KYNU: variants seen among roughly 807,000 people sequenced by gnomAD.
KYNU encodes the protein kynureninase, also known as L-kynurenine hydrolase.
In KYNU, 54 loss-of-function variants were observed where a neutral mutation model predicts 59.2. The observed-to-expected ratio is 0.91, with a 90% CI of 0.73 to 1.14. KYNU has a LOEUF of 1.14. Among genes scored for constraint, KYNU ranks in the 50% most tolerant of loss-of-function variants. The pLI is 0.00. For missense variants in KYNU, 567 were observed against 554.4 expected, an observed-to-expected ratio of 1.02 and a Z score of -0.23; for synonymous variants, 177 against 192.0, an observed-to-expected ratio of 0.92 and a Z score of 0.65.
rs869073408 is a variant in KYNU, at chr2:143,055,683, GAA to G, written c.*13513_*13514del. ...GGAAGGAAGGAAGGAAGGAAGGAAG[GAA>G]AGGGAGGAGAGGAGAGGAGAGGTAG... On this transcript the variant is annotated 3_prime_UTR_variant, in exon 14 of 14. Coordinates refer to ENST00000264170, the MANE Select transcript of KYNU (RefSeq NM_003937.3). 13 of 152,036 alleles carry G rather than the reference GAA, an allele frequency of 8.6e-5. No individual in the cohort carries two copies. Among genetic ancestry groups the G allele is most frequent in the Admixed American group, 2.0e-4 (3 of 15,220 alleles). 9.4% of individuals were successfully genotyped at this position (152,036 alleles called of 1,614,324 possible).
At chr2:142,881,313 A>T (rs1558897346) in intron 1 of KYNU, 1 of 152,362 alleles carries the variant, frequency 6.6e-6, no homozygotes, top group African/African-American at 2.4e-5. Flanking sequence ...AGTAAAAAAC[A>T]TGCAATGGTG....
chr2:142,905,246 A>G (rs1242651189), intron 2 of KYNU, among the ~76,000 whole-genome samples: 1 of 152,174 alleles, frequency 6.6e-6, no homozygotes, highest in African/African-American at 2.4e-5. Context: ...CCTTTTTCCT[A>G]CGAGGAGAGC....
rs946993710 is a variant in KYNU at position 143,044,921 on chromosome 2, T to C, written c.*2749T>C. Reference sequence around the variant, plus strand: ...TCTTTGCCCATGCCTATGTCCTGAATGGTATTGCCTAGATATTCTTCTAGG... The same window carrying C: ...TCTTTGCCCATGCCTATGTCCTGAACGGTATTGCCTAGATATTCTTCTAGG... On this transcript the variant is annotated 3_prime_UTR_variant, in exon 14 of 14. Coordinates refer to ENST00000264170, the MANE Select transcript of KYNU (RefSeq NM_003937.3). The C allele has an allele frequency of 1.3e-5, 2 of 149,172 alleles. No individual in the cohort carries two copies. The highest frequency in any genetic ancestry group is 3.0e-5 in the Non-Finnish European group (2 of 67,354). The allele number at this position is 149,172 out of a possible 1,614,324, so 9.2% of individuals were successfully genotyped here. A position where few individuals can be genotyped will look rare whatever the true frequency, so the allele number is the denominator to read the frequency against.
At position 143,042,069 on chromosome 2, in the gene KYNU, G is replaced by A. The variant is rs766753073; in HGVS notation, c.1295G>A (p.Gly432Asp). 1.9e-5 allele frequency: 31 copies of A among 1,611,448 alleles called. No individual in the cohort carries two copies. Among genetic ancestry groups the A allele is most frequent in the Non-Finnish European group, 2.5e-5 (30 of 1,178,310 alleles). ...GVVCDKRNPN[G>D]IRVAPVPLYN... ...CAGTGTGACAAGCGGAATCCAAATG[G>A]CATTCGAGTGGCTCCAGTTCCTCTC... The change falls in exon 14 of 14, where the codon GGC (glycine) becomes GAC (aspartate). Residue 432 changes from glycine (G) to aspartate (D), a missense_variant. Gly to Asp is a moderately conservative substitution (Grantham distance 94, BLOSUM62 -1). Transcript: ENST00000264170.
chr2:142,911,126 A>G (rs1682466919), intron 2 of KYNU, among the ~76,000 whole-genome samples: 1 of 152,182 alleles, frequency 6.6e-6, no homozygotes. Flanking sequence ...TGATAGGAAT[A>G]GCTTTGAATC....
At chr2:142,907,552 A>G (rs891973514) in intron 2 of KYNU, among the ~76,000 whole-genome samples, 2 of 152,216 alleles carry the variant, frequency 1.3e-5, no homozygotes, top group African/African-American at 4.8e-5. Context: ...AAGCCGTAAC[A>G]AATACGGACA....
chr2:142,930,864 G>T (rs352895), intron 4 of KYNU, among the ~76,000 whole-genome samples: 4,000 of 152,242 alleles, frequency 0.026, 173 homozygotes, highest in Admixed American at 0.11. Context: ...TTTGAACCCC[G>T]AGAGCACGTC....
intron 2 of KYNU, among the ~76,000 whole-genome samples, chr2:142,911,277 C>A (rs982175377): frequency 3.3e-5 from 5 of 152,018 alleles, no homozygotes; most frequent in African/African-American, 1.2e-4. Context: ...GAGCTTTCAC[C>A]TCCTTGGTTA....
intron 4 of KYNU, among the ~76,000 whole-genome samples, chr2:142,937,297 GA>G (rs1363524597): frequency 1.3e-5 from 2 of 149,536 alleles, no homozygotes; most frequent in Admixed American, 6.7e-5. Flanking sequence ...TTACAATAGT[GA>G]AAAAAAAAGC....
At chr2:143,014,533 TAGAG>T (rs1686199760) in intron 10 of KYNU, among the ~76,000 whole-genome samples, 1 of 152,234 alleles carries the variant, frequency 6.6e-6, no homozygotes, top group Admixed American at 6.5e-5. Context: ...TCTTGGCTTT[TAGAG>T]AGAATTGTCT....
chr2:142,906,016 CTCTCTG>C (rs1682282379), intron 2 of KYNU, among the ~76,000 whole-genome samples: 3 of 151,206 alleles, frequency 2.0e-5, no homozygotes, highest in Admixed American at 2.0e-4. Flanking sequence ...TCTCTCTCTC[CTCTCTG>C]TCTCTTTCTC....
chr2:142,964,689 A>G (rs1281514549), intron 8 of KYNU: 1 of 152,214 alleles, frequency 6.6e-6, no homozygotes, highest in African/African-American at 2.4e-5. Flanking sequence ...GAGAGAAAAT[A>G]CAAGATTTCA....
chr2:143,004,922 T>C (rs1282513146), intron 10 of KYNU, among the ~76,000 whole-genome samples: 1 of 152,200 alleles, frequency 6.6e-6, no homozygotes, highest in Non-Finnish European at 1.5e-5. Flanking sequence ...ATTATTTTCA[T>C]TGGTTGGGTG....
In KYNU at chr2:142,961,718, GTGTT is replaced by G. The variant is rs1300622120; in HGVS notation, c.729+952_729+955del. ...TGAAGTCATGTCTCTTTGTATGTAA[GTGTT>G]TGTAAAAAGTGTTTTTAGTATTTAT... On this transcript the variant is annotated intron_variant, in intron 8 of 13. Transcript: ENST00000264170. 8.6e-5 allele frequency among the ~76,000 whole-genome samples: 13 copies of G among 151,476 alleles called. No individual in the cohort carries two copies. The East Asian group carries it at 2.3e-3, about 27-fold the overall frequency.
At chr2:142,910,886 T>C (rs1307662483) in intron 2 of KYNU, among the ~76,000 whole-genome samples, 2 of 152,198 alleles carry the variant, frequency 1.3e-5, no homozygotes, top group Non-Finnish European at 2.9e-5. Context: ...GTTGTAGATA[T>C]GTGGCTTTAT....
At chr2:142,944,471 A>G (rs1260958300) in intron 4 of KYNU, among the ~76,000 whole-genome samples, 3 of 152,216 alleles carry the variant, frequency 2.0e-5, no homozygotes, top group Non-Finnish European at 4.4e-5. Context: ...GAAGTGATTT[A>G]AATCTTGACA....
In KYNU at chr2:143,054,102, A is replaced by G. The variant is rs1481881275; in HGVS notation, c.*11930A>G. ...TAGAAATAACACTGGTTTTTTCCCT[A>G]TGTCCTTACAACCACCAATTGGATA... On this transcript the variant is annotated 3_prime_UTR_variant, in exon 14 of 14. Coordinates refer to ENST00000264170, the MANE Select transcript of KYNU (RefSeq NM_003937.3). 2 of 152,178 alleles carry G rather than the reference A, an allele frequency of 1.3e-5. No individual in the cohort carries two copies. Among genetic ancestry groups the G allele is most frequent in the Non-Finnish European group, 2.9e-5 (2 of 68,024 alleles). 9.4% of individuals were successfully genotyped at this position (152,178 alleles called of 1,614,324 possible).
chr2:142,894,178 G>C (rs533432159), intron 2 of KYNU, among the ~76,000 whole-genome samples: 1 of 152,204 alleles, frequency 6.6e-6, no homozygotes, highest in South Asian at 2.1e-4. Context: ...AGAACTAATG[G>C]GTTCAAAATT....
intron 10 of KYNU, among the ~76,000 whole-genome samples, chr2:142,999,419 T>C (rs550781905): frequency 4.1e-4 from 63 of 152,282 alleles, no homozygotes; most frequent in African/African-American, 1.5e-3. Flanking sequence ...TTGGTCTCAA[T>C]ATTATTAAAA....
Sources: allele counts gnomAD v4.1 joint callset (sites outside exome capture counted in the v4.1 genomes callset), GRCh38; gene constraint gnomAD v4.1.1; transcripts MANE v1.5; gene names NCBI Gene and HGNC (gene_info 2026-07-23, HGNC 2026-07-21).